The following CLDN2 variants were observed in gnomAD, a reference collection of about 807,000 sequenced individuals.
The protein encoded by CLDN2 is claudin-2.
A neutral mutation model predicts 8.2 loss-of-function variants in CLDN2; 1 was observed. The observed-to-expected ratio is 0.12, with a 90% CI of 0.04 to 0.58. The LOEUF is 0.58. Among genes scored for constraint, CLDN2 ranks in the 20% least tolerant of loss-of-function variants. The pLI is 0.90. For synonymous variants in CLDN2, 70 were observed against 70.2 expected (o/e 1.00, Z 0.01); for missense variants, 108 against 172.9 (o/e 0.62, Z 2.11).
chrX:106,923,450 G>A (rs1260178929), intron 1 of CLDN2, among the ~76,000 whole-genome samples: 4 of 112,441 alleles, frequency 3.6e-5, no homozygotes, highest in South Asian at 7.5e-4. Flanking sequence ...GACAAGAAAC[G>A]ATGGTTGCAT....
intron 1 of CLDN2, among the ~76,000 whole-genome samples, chrX:106,907,960 G>A (rs977676182): frequency 9.0e-6 from 1 of 111,170 alleles, no homozygotes; most frequent in African/African-American, 3.3e-5. Context: ...TTTTCCAATG[G>A]GTATCTCAAA....
At chrX:106,908,567 CTTTTT>C (rs138799168) in intron 1 of CLDN2, among the ~76,000 whole-genome samples, 1 of 91,569 alleles carries the variant, frequency 1.1e-5, no homozygotes, top group Non-Finnish European at 2.2e-5. Context: ...CTTTTCTTTT[CTTTTT>C]TTTTTTTTTT....
At chrX:106,919,735 C>T (rs1473839934), upstream of CLDN2, among the ~76,000 whole-genome samples, 1 of 112,732 alleles carries the variant, frequency 8.9e-6, no homozygotes, top group African/African-American at 3.2e-5. Flanking sequence ...CCACCCGCCT[C>T]GGCCTCCCAA....
intron 1 of CLDN2, among the ~76,000 whole-genome samples, chrX:106,901,946 G>C (rs762195226): frequency 8.9e-6 from 1 of 112,085 alleles, no homozygotes; most frequent in Admixed American, 9.4e-5. Flanking sequence ...CTGAGCTTTG[G>C]TCTCCTCATC....
chrX:106,916,046 T>C (rs1478485333), upstream of CLDN2, among the ~76,000 whole-genome samples: 2 of 105,961 alleles, frequency 1.9e-5, no homozygotes, highest in South Asian at 4.3e-4. Context: ...CATATACCCC[T>C]GAACCTGAAA....
chrX:106,916,797 CA>C (rs768911681), upstream of CLDN2, among the ~76,000 whole-genome samples: 23 of 111,734 alleles, frequency 2.1e-4, no homozygotes, highest in East Asian at 2.5e-3. Context: ...CCTGTAATCC[CA>C]GCGCTTTGAG....
At chrX:106,916,363 C>CATTGT (rs1319823993), upstream of CLDN2, among the ~76,000 whole-genome samples, 1 of 110,930 alleles carries the variant, frequency 9.0e-6, no homozygotes, top group Non-Finnish European at 1.9e-5. Context: ...GAAGGGAGAG[C>CATTGT]ATTGTAGGCT....
At chrX:106,925,206 G>A (rs951911376) in intron 1 of CLDN2, among the ~76,000 whole-genome samples, 9 of 111,603 alleles carry the variant, frequency 8.1e-5, no homozygotes, top group Non-Finnish European at 1.3e-4. Flanking sequence ...CATGTAAAAA[G>A]TGCTTATAAT....
upstream of CLDN2, among the ~76,000 whole-genome samples, chrX:106,915,146 G>A (rs944227277): frequency 2.7e-5 from 3 of 112,273 alleles, no homozygotes; most frequent in Admixed American, 9.4e-5. Context: ...CTTTCATTCA[G>A]CATAATACAT....
chrX:106,925,536 T>G (rs772238939), intron 1 of CLDN2, among the ~76,000 whole-genome samples: 1 of 112,569 alleles, frequency 8.9e-6, no homozygotes, highest in South Asian at 3.7e-4. Flanking sequence ...TGAGAGGTCA[T>G]GGGGTAAACC....
chrX:106,924,753 C>A (rs1234304883), intron 1 of CLDN2, among the ~76,000 whole-genome samples: 1 of 106,877 alleles, frequency 9.4e-6, no homozygotes, highest in East Asian at 2.9e-4. Context: ...TATATATATA[C>A]ATAGTGAAGC....
At position 106,928,623 on chromosome X, in the gene CLDN2, G is replaced by A; in HGVS notation, c.395G>A (p.Gly132Glu). The A allele has an allele frequency of 8.3e-7, 1 of 1,211,749 alleles. No individual in the cohort carries two copies. The highest frequency in any genetic ancestry group is 1.8e-5 in the South Asian group (1 of 56,936). The part of the protein sequence containing the change: ...GVFFILGGLL[G>E]FIPVAWNLHG... ...TTTTTCATCCTTGGAGGCCTCCTGG[G>A]ATTCATTCCTGTTGCCTGGAATCTT... Residue 132 changes from glycine to glutamate, a missense_variant, in exon 2 of 2, where the codon GGA becomes GAA. Transcript: ENST00000336803.
chrX:106,922,185 T>C (rs1188063489), intron 1 of CLDN2, among the ~76,000 whole-genome samples: 1 of 112,340 alleles, frequency 8.9e-6, no homozygotes, highest in Admixed American at 9.4e-5. Flanking sequence ...GAATCCAGCC[T>C]GTCTCACCAC....
intron 1 of CLDN2, among the ~76,000 whole-genome samples, chrX:106,902,742 A>G (rs185513575): frequency 5.8e-4 from 65 of 112,144 alleles, no homozygotes; most frequent in Non-Finnish European, 1.1e-3. Context: ...CGTGGTCAGG[A>G]AAAAGACAAT....
chrX:106,905,092 C>T (rs896602217), intron 1 of CLDN2, among the ~76,000 whole-genome samples: 8 of 112,086 alleles, frequency 7.1e-5, no homozygotes, highest in Admixed American at 9.5e-5. Flanking sequence ...CATGGAGGAA[C>T]GAAAGCTGGG....
intron 1 of CLDN2, among the ~76,000 whole-genome samples, chrX:106,912,674 C>T (rs1301542276): frequency 3.6e-5 from 4 of 110,548 alleles, no homozygotes; most frequent in African/African-American, 1.3e-4. Flanking sequence ...CCTCAGCCTC[C>T]CAAAGTGCTG....
At chrX:106,923,242 G>A (rs1933418749) in intron 1 of CLDN2, among the ~76,000 whole-genome samples, 1 of 112,422 alleles carries the variant, frequency 8.9e-6, no homozygotes, top group African/African-American at 3.2e-5. Context: ...CAAAGTGCTG[G>A]GATTATAGGC....
At chrX:106,900,607 G>T in intron 1 of CLDN2, 1 of 1,007,800 alleles carries the variant, frequency 9.9e-7, no homozygotes, top group Non-Finnish European at 1.3e-6. Context: ...GTGAAAACTT[G>T]CCAGACAAAC....
intron 1 of CLDN2, among the ~76,000 whole-genome samples, chrX:106,901,127 C>T (rs1475232139): frequency 8.9e-6 from 1 of 112,157 alleles, no homozygotes; most frequent in Non-Finnish European, 1.9e-5. Context: ...GTGGTTGGGT[C>T]GGGGGCCAGC....
Sources: allele counts gnomAD v4.1 joint callset (sites outside exome capture counted in the v4.1 genomes callset), GRCh38; gene constraint gnomAD v4.1.1; transcripts MANE v1.5; gene names NCBI Gene and HGNC (gene_info 2026-07-23, HGNC 2026-07-21).